Variants in LDLRAD3 observed in about 807,000 individuals in gnomAD.
LDLRAD3 encodes the protein low-density lipoprotein receptor class A domain-containing protein 3.
In LDLRAD3, 20 loss-of-function variants were observed where a neutral mutation model predicts 29.4. The ratio of observed to expected loss-of-function variants is 0.68; its 90% CI spans 0.48 to 0.99. The LOEUF (loss-of-function observed/expected upper bound fraction) is 0.99, where lower values mean the gene tolerates loss of function less well. Among genes scored for constraint, LDLRAD3 ranks in the 50% least tolerant of loss-of-function variants. LDLRAD3 has a pLI of 0.00. For missense variants in LDLRAD3, 420 were observed against 454.3 expected (o/e 0.92, Z 0.69); for synonymous variants, 157 against 192.7 (o/e 0.81, Z 1.53).
intron 1 of LDLRAD3, among the ~76,000 whole-genome samples, chr11:35,951,463 A>C (rs925283415): frequency 6.6e-6 from 1 of 152,196 alleles, no homozygotes; most frequent in Non-Finnish European, 1.5e-5. Flanking sequence ...GCAATTTGGC[A>C]GTTTCCCTCA....
At chr11:35,950,433 T>C (rs563887685) in intron 1 of LDLRAD3, among the ~76,000 whole-genome samples, 1 of 152,348 alleles carries the variant, frequency 6.6e-6, no homozygotes, top group Non-Finnish European at 1.5e-5. Context: ...TCTAGGCTTC[T>C]GAGGTTTGAG....
chr11:36,226,055 A>C (rs1855493857), intron 4 of LDLRAD3, among the ~76,000 whole-genome samples: 1 of 145,966 alleles, frequency 6.9e-6, no homozygotes, highest in Non-Finnish European at 1.5e-5. Flanking sequence ...TGACAGAGCG[A>C]GACCCTGTCT....
intron 1 of LDLRAD3, among the ~76,000 whole-genome samples, chr11:35,990,622 C>T (rs181386548): frequency 2.6e-4 from 40 of 151,928 alleles, no homozygotes; most frequent in African/African-American, 9.4e-4. Flanking sequence ...TGCCATGTTG[C>T]CCAGGCTGGT....
At chr11:36,131,269 C>T (rs1191505721) in intron 4 of LDLRAD3, among the ~76,000 whole-genome samples, 2 of 152,208 alleles carry the variant, frequency 1.3e-5, no homozygotes, top group East Asian at 3.8e-4. Context: ...TGGTGAGGCT[C>T]CAGGCAGCAG....
chr11:35,987,291 G>T (rs1260748550), intron 1 of LDLRAD3, among the ~76,000 whole-genome samples: 1 of 152,188 alleles, frequency 6.6e-6, no homozygotes, highest in South Asian at 2.1e-4. Context: ...GGGGATACCT[G>T]TGCAGGTTTG....
intron 2 of LDLRAD3, among the ~76,000 whole-genome samples, chr11:36,075,234 C>T (rs1852977320): frequency 6.6e-6 from 1 of 152,130 alleles, no homozygotes; most frequent in Admixed American, 6.5e-5. Flanking sequence ...TTAAGCACAT[C>T]CTGTGTGTCT....
chr11:36,201,474 C>A (rs1050111313), intron 4 of LDLRAD3, among the ~76,000 whole-genome samples: 1 of 152,002 alleles, frequency 6.6e-6, no homozygotes, highest in Non-Finnish European at 1.5e-5. Flanking sequence ...TTTTTTGTAT[C>A]TTTTAAATTA....
intron 4 of LDLRAD3, among the ~76,000 whole-genome samples, chr11:36,144,246 G>C (rs1304612571): frequency 3.3e-5 from 5 of 151,786 alleles, no homozygotes; most frequent in African/African-American, 1.2e-4. Context: ...TGGTGCCCAG[G>C]CTGGAGTGCA....
chr11:36,135,984 A>C (rs1237654780), intron 4 of LDLRAD3, among the ~76,000 whole-genome samples: 1 of 152,220 alleles, frequency 6.6e-6, no homozygotes, highest in East Asian at 1.9e-4. Flanking sequence ...TACCCAACCA[A>C]GGAATTATTT....
intron 4 of LDLRAD3, among the ~76,000 whole-genome samples, chr11:36,216,201 G>A (rs1306235252): frequency 3.9e-5 from 6 of 152,150 alleles, no homozygotes; most frequent in Non-Finnish European, 7.3e-5. Context: ...TTCTTCCATC[G>A]GCAGCTGCAA....
At chr11:36,025,449 T>A (rs1487106018) in intron 1 of LDLRAD3, among the ~76,000 whole-genome samples, 2 of 149,522 alleles carry the variant, frequency 1.3e-5, no homozygotes, top group East Asian at 4.0e-4. Flanking sequence ...AGTGCAGTGG[T>A]GTGATCTCAG....
intron 1 of LDLRAD3, among the ~76,000 whole-genome samples, chr11:36,006,041 G>C (rs1264949311): frequency 6.6e-6 from 1 of 152,064 alleles, no homozygotes; most frequent in East Asian, 1.9e-4. Context: ...CCATATCTAA[G>C]ATGTTGAGCA....
At chr11:36,164,893 G>C (rs1036332496) in intron 4 of LDLRAD3, among the ~76,000 whole-genome samples, 1 of 152,200 alleles carries the variant, frequency 6.6e-6, no homozygotes, top group Non-Finnish European at 1.5e-5. Context: ...TGTTGAAAGA[G>C]ATATCTTTTA....
Position 36,227,112 on chromosome 11 carries a change from C to A in LDLRAD3, c.482C>A (p.Thr161Asn). Residue 161 changes from threonine to asparagine, a missense_variant, in exon 5 of 6, where the codon ACT (threonine) becomes AAT (asparagine). Around this residue, in one of 3 missense-constraint regions of LDLRAD3, gnomAD observed 224 missense variants for 222.2 expected, o/e 1.01. Transcript: ENST00000315571. ...QEPGSGQVFVTSENQLVYYPS... is the reference protein window; with the variant it reads ...QEPGSGQVFVNSENQLVYYPS... ...CCCGGCAGTGGGCAGGTGTTTGTGA[C>A]TTCAGAGAACCAACTTGTGTATTAC... The A allele has an allele frequency of 6.2e-7, 1 of 1,602,154 alleles. No individual in the cohort carries two copies. Among genetic ancestry groups the A allele is most frequent in the African/African-American group, 1.3e-5 (1 of 74,858 alleles).
At chr11:35,995,627 T>C (rs112978994) in intron 1 of LDLRAD3, among the ~76,000 whole-genome samples, 1 of 152,254 alleles carries the variant, frequency 6.6e-6, no homozygotes, top group South Asian at 2.1e-4. Flanking sequence ...TGTCTAGATA[T>C]GAAAGTCCTG....
intron 4 of LDLRAD3, among the ~76,000 whole-genome samples, chr11:36,222,580 G>T (rs79261760): frequency 1.3e-5 from 2 of 152,092 alleles, no homozygotes; most frequent in African/African-American, 4.8e-5. Context: ...GCGAAAAATG[G>T]TATCCGGTAG....
intron 4 of LDLRAD3, among the ~76,000 whole-genome samples, chr11:36,150,097 T>C (rs1854256458): frequency 6.6e-6 from 1 of 152,200 alleles, no homozygotes; most frequent in Non-Finnish European, 1.5e-5. Context: ...ATCGTTTACC[T>C]GGGGACTGTG....
chr11:36,067,491 T>A (rs775357037), intron 2 of LDLRAD3, among the ~76,000 whole-genome samples: 2 of 152,222 alleles, frequency 1.3e-5, no homozygotes, highest in Non-Finnish European at 2.9e-5. Context: ...AAGTAATTAT[T>A]ACATTGTCTT....
At chr11:36,117,518 G>A (rs981903665) in intron 4 of LDLRAD3, among the ~76,000 whole-genome samples, 5 of 152,222 alleles carry the variant, frequency 3.3e-5, no homozygotes, top group African/African-American at 1.2e-4. Flanking sequence ...CTGTATCTCA[G>A]TAATGTATTT....
Sources: allele counts gnomAD v4.1 joint callset (sites outside exome capture counted in the v4.1 genomes callset), GRCh38; gene constraint gnomAD v4.1.1; regional missense constraint gnomAD v4.1.1; transcripts MANE v1.5; gene names NCBI Gene and HGNC (gene_info 2026-07-23, HGNC 2026-07-21).